MAPK10: variants seen among roughly 807,000 people sequenced by gnomAD.
MAPK10 encodes the protein mitogen-activated protein kinase 10, also known as JNK3 alpha protein kinase.
MAPK10 carries 25 observed loss-of-function variants against 59.3 expected under a neutral mutation model. That is an observed-to-expected ratio of 0.42 (90% CI 0.31 to 0.59). The LOEUF is 0.59. Among genes scored for constraint, MAPK10 ranks in the 20% least tolerant of loss-of-function variants. The pLI, the probability that MAPK10 is intolerant of heterozygous loss-of-function variation, is 0.15. For missense variants in MAPK10, 351 were observed against 568.9 expected (o/e 0.62, Z 3.90); for synonymous variants, 190 against 200.5 (o/e 0.95, Z 0.44).
chr4:86,536,598 TCAAA>T (rs1242908936), intron 1 of MAPK10, among the ~76,000 whole-genome samples: 2 of 152,238 alleles, frequency 1.3e-5, no homozygotes, highest in African/African-American at 4.8e-5. Context: ...ATACATAATC[TCAAA>T]CAATTTGCTT....
chr4:86,089,768 C>T (rs2052717558), intron 9 of MAPK10, among the ~76,000 whole-genome samples: 1 of 152,092 alleles, frequency 6.6e-6, no homozygotes, highest in African/African-American at 2.4e-5. Context: ...AATATAAATA[C>T]AGTTCCAGAA....
chr4:86,288,131 A>C (rs2148815288), intron 2 of MAPK10, among the ~76,000 whole-genome samples: 1 of 152,270 alleles, frequency 6.6e-6, no homozygotes, highest in African/African-American at 2.4e-5. Context: ...TGGGTAAAAT[A>C]AGACATTTGA....
intron 1 of MAPK10, among the ~76,000 whole-genome samples, chr4:86,423,760 GATATATATACATATATATATAT>G (rs1288169190): frequency 8.5e-6 from 1 of 117,120 alleles, no homozygotes; most frequent in African/African-American, 3.5e-5. Context: ...TAATTAGTGG[GATATATATACATATATATATAT>G]ATATATATAT....
intron 2 of MAPK10, among the ~76,000 whole-genome samples, chr4:86,197,237 A>G (rs2081533355): frequency 6.6e-6 from 1 of 152,104 alleles, no homozygotes; most frequent in Non-Finnish European, 1.5e-5. Flanking sequence ...TATTTCCTTG[A>G]GCAGTGGCTC....
intron 1 of MAPK10, among the ~76,000 whole-genome samples, chr4:86,470,704 C>G (rs1752584606): frequency 6.6e-6 from 1 of 151,970 alleles, no homozygotes; most frequent in Non-Finnish European, 1.5e-5. Context: ...GGATTCATAA[C>G]TGTTTAATAC....
chr4:86,526,592 T>G (rs1219996541), intron 1 of MAPK10, among the ~76,000 whole-genome samples: 1 of 152,172 alleles, frequency 6.6e-6, no homozygotes, highest in Non-Finnish European at 1.5e-5. Flanking sequence ...GGCTCCAATT[T>G]TAGTTATTTC....
intron 2 of MAPK10, among the ~76,000 whole-genome samples, chr4:86,281,951 A>G (rs1357445162): frequency 6.6e-6 from 1 of 152,186 alleles, no homozygotes; most frequent in Non-Finnish European, 1.5e-5. Context: ...ATGACTTTTA[A>G]TAAGACTTTT....
At chr4:86,372,567 A>AGAAAGAAAGAAAGAAAGAAAG (rs1554253760) in intron 1 of MAPK10, among the ~76,000 whole-genome samples, 160 of 132,920 alleles carry the variant, frequency 1.2e-3, no homozygotes, top group East Asian at 2.5e-3. Context: ...AAAGAAAGAA[A>AGAAAGAAAGAAAGAAAGAAAG]GAAAAGAAAA....
At chr4:86,388,941 T>A (rs558928769) in intron 1 of MAPK10, among the ~76,000 whole-genome samples, 2 of 152,236 alleles carry the variant, frequency 1.3e-5, no homozygotes, top group Non-Finnish European at 2.9e-5. Flanking sequence ...TAAAACAAAA[T>A]AATATATGTA....
chr4:86,517,165 A>T (rs1189257348), intron 1 of MAPK10, among the ~76,000 whole-genome samples: 3 of 151,774 alleles, frequency 2.0e-5, no homozygotes, highest in Non-Finnish European at 1.5e-5. Context: ...ATCTATTAAG[A>T]TAATCATATT....
chr4:86,461,695 C>T (rs557332668), intron 1 of MAPK10, among the ~76,000 whole-genome samples: 18 of 152,244 alleles, frequency 1.2e-4, no homozygotes, highest in African/African-American at 3.6e-4. Flanking sequence ...AAAGCTAAAG[C>T]GGCAAAGGAG....
chr4:86,101,826 G>A, intron 7 of MAPK10, 68 bp downstream of exon 7: 2 of 1,543,792 alleles, frequency 1.3e-6, no homozygotes, highest in Non-Finnish European at 1.8e-6. Flanking sequence ...CCCGTATAAA[G>A]AAAATAATCT....
chr4:86,286,417 T>C (rs1031626306), intron 2 of MAPK10, among the ~76,000 whole-genome samples: 3 of 152,158 alleles, frequency 2.0e-5, no homozygotes, highest in African/African-American at 7.2e-5. Context: ...TGAATAGTAA[T>C]GATAATAATA....
chr4:86,382,054 A>C (rs1322425871), intron 1 of MAPK10, among the ~76,000 whole-genome samples: 3 of 152,104 alleles, frequency 2.0e-5, no homozygotes, highest in Non-Finnish European at 4.4e-5. Flanking sequence ...TATCCTGAGC[A>C]CTGTAGAATG....
At chr4:86,176,744 C>A (rs997458998) in intron 3 of MAPK10, among the ~76,000 whole-genome samples, 4 of 151,992 alleles carry the variant, frequency 2.6e-5, no homozygotes, top group African/African-American at 4.8e-5. Flanking sequence ...CCAGAAAAAA[C>A]CTAATGTCAA....
chr4:86,536,161 A>G (rs1196233425), intron 1 of MAPK10, among the ~76,000 whole-genome samples: 1 of 152,240 alleles, frequency 6.6e-6, no homozygotes, highest in Non-Finnish European at 1.5e-5. Flanking sequence ...AGTGTTGCAT[A>G]GAAAAGCATA....
chr4:86,550,233 C>CA (rs1759648395), intron 1 of MAPK10, among the ~76,000 whole-genome samples: 1 of 152,032 alleles, frequency 6.6e-6, no homozygotes, highest in South Asian at 2.1e-4. Flanking sequence ...CAGGGAGATT[C>CA]AACGCCCTTA....
chr4:86,415,333 C>T (rs1745731009), intron 1 of MAPK10, among the ~76,000 whole-genome samples: 1 of 152,118 alleles, frequency 6.6e-6, no homozygotes, highest in Non-Finnish European at 1.5e-5. Flanking sequence ...GAAACGTCAG[C>T]TTAACTTTCA....
intron 11 of MAPK10, among the ~76,000 whole-genome samples, chr4:86,052,308 TAA>T (rs2043711001): frequency 1.3e-5 from 2 of 152,040 alleles, no homozygotes; most frequent in Admixed American, 1.3e-4. Flanking sequence ...AGTCTAAGAG[TAA>T]CTTATCAGCA....
Sources: allele counts gnomAD v4.1 joint callset (sites outside exome capture counted in the v4.1 genomes callset), GRCh38; gene constraint gnomAD v4.1.1; transcripts MANE v1.5; gene names NCBI Gene and HGNC (gene_info 2026-07-23, HGNC 2026-07-21).